The following NOVA1 variants were observed in gnomAD, a reference collection of about 807,000 sequenced individuals.
NOVA1 encodes the protein RNA-binding protein Nova-1.
NOVA1 carries 7 observed loss-of-function variants against 38.0 expected under a neutral mutation model. The ratio of observed to expected loss-of-function variants is 0.18; its 90% CI spans 0.10 to 0.35. The LOEUF is 0.35. NOVA1 is among the 10% of genes least tolerant of loss of function. The pLI is 1.00. For missense variants in NOVA1, 460 were observed against 616.0 expected (o/e 0.75, Z 2.68); for synonymous variants, 270 against 232.5 (o/e 1.16, Z -1.47).
intron 4 of NOVA1, among the ~76,000 whole-genome samples, chr14:26,462,631 C>T (rs887164591): frequency 1.4e-4 from 22 of 152,130 alleles, no homozygotes; most frequent in African/African-American, 4.8e-4. Context: ...TCATTTAATT[C>T]GGCATAACTT....
chr14:26,549,835 G>T, intron 2 of NOVA1: 1 of 891,988 alleles, frequency 1.1e-6, no homozygotes, highest in Non-Finnish European at 1.6e-6. Flanking sequence ...AGAAGTGGCT[G>T]CAATTCGGTG....
chr14:26,570,127 ACCT>A (rs1411224000), intron 2 of NOVA1, among the ~76,000 whole-genome samples: 1 of 152,150 alleles, frequency 6.6e-6, no homozygotes, highest in Admixed American at 6.5e-5. Context: ...CAGGCAGATC[ACCT>A]GAGGTCAGGC....
chr14:26,575,358 T>C (rs1464522700), intron 2 of NOVA1, among the ~76,000 whole-genome samples: 7 of 152,166 alleles, frequency 4.6e-5, no homozygotes. Flanking sequence ...AATATAGATA[T>C]TTCCAAAATA....
intron 3 of NOVA1, chr14:26,479,683 T>C (rs1885279179): frequency 2.7e-6 from 1 of 374,256 alleles, no homozygotes; most frequent in African/African-American, 2.1e-5. Flanking sequence ...TTTAAACAGA[T>C]TCAATTCCTA....
At chr14:26,502,303 G>T (rs1887299252) in intron 2 of NOVA1, among the ~76,000 whole-genome samples, 2 of 151,878 alleles carry the variant, frequency 1.3e-5, no homozygotes, top group South Asian at 4.2e-4. Context: ...GTCATGCAAT[G>T]TAAAACCTAT....
chr14:26,571,052 C>T (rs778042607), intron 2 of NOVA1, among the ~76,000 whole-genome samples: 3 of 149,694 alleles, frequency 2.0e-5, no homozygotes, highest in Non-Finnish European at 4.4e-5. Flanking sequence ...CTTACAAAGG[C>T]TGGTGAAGAG....
intron 2 of NOVA1, among the ~76,000 whole-genome samples, chr14:26,578,750 A>C (rs1454030584): frequency 6.6e-6 from 1 of 152,166 alleles, no homozygotes; most frequent in East Asian, 1.9e-4. Flanking sequence ...ACAAATGAGA[A>C]GGAAATCTGG....
chr14:26,589,307 C>T (rs934836516), intron 2 of NOVA1, among the ~76,000 whole-genome samples: 5 of 151,584 alleles, frequency 3.3e-5, no homozygotes, highest in African/African-American at 1.2e-4. Context: ...ACACAAGAAA[C>T]TTGTATATAT....
intron 2 of NOVA1, among the ~76,000 whole-genome samples, chr14:26,511,622 CAT>C (rs1888097978): frequency 6.6e-6 from 1 of 151,888 alleles, no homozygotes; most frequent in South Asian, 2.1e-4. Flanking sequence ...CGTGGTGGTG[CAT>C]GCCTGCAGTC....
chr14:26,478,203 T>G (rs895948349), intron 3 of NOVA1, among the ~76,000 whole-genome samples: 1 of 151,954 alleles, frequency 6.6e-6, no homozygotes, highest in Non-Finnish European at 1.5e-5. Flanking sequence ...GCACTGGATA[T>G]ATGATAGCCT....
Position 26,448,703 on chromosome 14 carries a change from A to G in NOVA1, c.780T>C (p.Gly260=). 1 of 1,614,190 alleles carries G rather than the reference A, an allele frequency of 6.2e-7. No individual in the cohort carries two copies. The highest frequency in any genetic ancestry group is 8.5e-7 in the Non-Finnish European group (1 of 1,180,016). Residue 260 remains glycine, a synonymous_variant, in exon 5 of 5, where the codon GGT becomes GGC. Transcript: ENST00000539517. This position sits in a 1 kb window ranked among gnomAD's most constrained non-coding sequence, Gnocchi z 5.3. ...CGGTTGGATTGGAATTTGCCACTGGACCTGTCACATTGGCATAACTGATAT... is the reference window on the plus strand; with the variant it reads ...CGGTTGGATTGGAATTTGCCACTGGGCCTGTCACATTGGCATAACTGATAT... ...CLNISYANVT[G]PVANSNPTGS...
chr14:26,516,256 A>T (rs1415495467), intron 2 of NOVA1, among the ~76,000 whole-genome samples: 2 of 151,884 alleles, frequency 1.3e-5, no homozygotes, highest in African/African-American at 2.4e-5. Context: ...TTCCTTATTG[A>T]TTTGAAGGCA....
intron 2 of NOVA1, among the ~76,000 whole-genome samples, chr14:26,591,811 T>C (rs867349813): frequency 4.4e-4 from 67 of 151,494 alleles, no homozygotes; most frequent in African/African-American, 1.5e-3. Context: ...TATAATGGTT[T>C]GTGTTTTTTT....
intron 4 of NOVA1, among the ~76,000 whole-genome samples, chr14:26,459,258 T>G (rs2138600957): frequency 1.3e-5 from 2 of 152,262 alleles, no homozygotes; most frequent in East Asian, 1.9e-4. Context: ...TATTCTGTAT[T>G]TTTAATACTT....
intron 2 of NOVA1, among the ~76,000 whole-genome samples, chr14:26,531,703 G>A (rs1224029889): frequency 3.9e-5 from 6 of 152,100 alleles, no homozygotes; most frequent in African/African-American, 1.2e-4. Flanking sequence ...TTTAAAAAGC[G>A]TTTACAAACT....
intron 2 of NOVA1, among the ~76,000 whole-genome samples, chr14:26,546,429 T>A (rs771584156): frequency 6.6e-6 from 1 of 152,162 alleles, no homozygotes; most frequent in Non-Finnish European, 1.5e-5. Flanking sequence ...GAGAGGGATA[T>A]AAAAATATGT....
intron 2 of NOVA1, among the ~76,000 whole-genome samples, chr14:26,504,392 T>C (rs1232462109): frequency 1.3e-5 from 2 of 152,300 alleles, no homozygotes; most frequent in South Asian, 2.1e-4. Flanking sequence ...ATTTCCAATA[T>C]ATTTAGCATA....
Position 26,508,979 on chromosome 14 carries a change from C to T in NOVA1, c.281-28836G>A, listed in dbSNP as rs551068343. Reference sequence around the variant, plus strand: ...TATTAAATAAAGGAAAGAAAAAAAGCAAAGAGAGTTAAAATTAAATTGAAT... The same window carrying T: ...TATTAAATAAAGGAAAGAAAAAAAGTAAAGAGAGTTAAAATTAAATTGAAT... On this transcript the variant is annotated intron_variant, in intron 2 of 4. Transcript: ENST00000539517. 4.6e-5 allele frequency among the ~76,000 whole-genome samples: 7 copies of T among 151,634 alleles called. No individual in the cohort carries two copies. In the South Asian group the frequency reaches 1.5e-3, roughly 31 times the overall value.
At chr14:26,564,593 G>A (rs948075748) in intron 2 of NOVA1, among the ~76,000 whole-genome samples, 3 of 152,068 alleles carry the variant, frequency 2.0e-5, no homozygotes, top group African/African-American at 4.8e-5. Flanking sequence ...ACTGCTCCTC[G>A]CGATAGACAA....
Sources: gnomAD v4.1 joint callset for allele counts (sites outside exome capture counted in the v4.1 genomes callset) on GRCh38, gnomAD v4.1.1 for gene constraint, Gnocchi (gnomAD v3.1) non-coding constraint, MANE v1.5 for transcripts, NCBI Gene and HGNC (gene_info 2026-07-23, HGNC 2026-07-21) for gene names.